AGTPBP1: variants seen among roughly 807,000 people sequenced by gnomAD.
AGTPBP1 encodes the protein cytosolic carboxypeptidase 1.
A neutral mutation model predicts 143.9 loss-of-function variants in AGTPBP1; 70 were observed. The observed-to-expected ratio is 0.49, with a 90% CI of 0.40 to 0.59. The LOEUF (loss-of-function observed/expected upper bound fraction) is 0.59, where lower values mean the gene tolerates loss of function less well. Among genes scored for constraint, AGTPBP1 ranks in the 20% least tolerant of loss-of-function variants. The pLI is 0.00. For synonymous variants in AGTPBP1, 463 were observed against 500.2 expected (o/e 0.93, Z 0.99); for missense variants, 1,229 against 1,464.5 (o/e 0.84, Z 2.62).
chr9:85,712,096 T>C (rs1309478845), intron 2 of AGTPBP1, among the ~76,000 whole-genome samples: 4 of 152,106 alleles, frequency 2.6e-5, no homozygotes, highest in Non-Finnish European at 5.9e-5. Context: ...AAACCCCGTC[T>C]CTACTAAAAG....
rs866887849 is a variant in AGTPBP1 at position 85,711,964 on chromosome 9, T to C, written c.32+538A>G. ...TCACAAAATACTATTTTTTTAACCA[T>C]TTAAAAATGTAAAAACCGGCCGGGC... On this transcript the variant is annotated intron_variant, in intron 2 of 25. Coordinates refer to ENST00000357081, the MANE Select transcript of AGTPBP1 (RefSeq NM_001330701.2). 4.6e-5 allele frequency among the ~76,000 whole-genome samples: 7 copies of C among 152,236 alleles called. No individual in the cohort carries two copies. The Middle Eastern group carries it at 0.014, about 296-fold the overall frequency.
At position 85,664,970 on chromosome 9, in the gene AGTPBP1, T is replaced by C. The variant is rs35509800; in HGVS notation, c.663-3997A>G. Among the ~76,000 whole-genome samples the C allele has an allele frequency of 3.8e-3, 578 of 152,270 alleles. 2 individuals carry two copies. Among genetic ancestry groups the C allele is most frequent in the Non-Finnish European group, 6.5e-3 (441 of 68,008 alleles). ...ATAGATGTCAAGTTTTGTGAAAGACTATGCAAACTATGCAAAGTTAAGACA... is the reference window on the plus strand; with the variant it reads ...ATAGATGTCAAGTTTTGTGAAAGACCATGCAAACTATGCAAAGTTAAGACA... On this transcript the variant is annotated intron_variant, in intron 8 of 25. Coordinates refer to ENST00000357081, the MANE Select transcript of AGTPBP1 (RefSeq NM_001330701.2).
intron 25 of AGTPBP1, among the ~76,000 whole-genome samples, chr9:85,550,033 A>G (rs1825942634): frequency 6.6e-6 from 1 of 152,166 alleles, no homozygotes; most frequent in African/African-American, 2.4e-5. Flanking sequence ...ATTAAGGTCT[A>G]CATTGGAGCT....
In AGTPBP1 at chr9:85,681,204, C is replaced by T. The variant is rs1835148956; in HGVS notation, c.225+64G>A. 7 of 1,446,188 alleles carry T rather than the reference C, an allele frequency of 4.8e-6. No homozygotes were observed. In the South Asian group the frequency reaches 7.1e-5, roughly 15 times the overall value. The allele number at this position is 1,446,188 out of a possible 1,614,324, so 89.6% of individuals were successfully genotyped here. On this transcript the variant is annotated intron_variant, in intron 4 of 25. Transcript: ENST00000357081. ...GTGTGTATTTATACACACACATACGCTTTTTCTTCTTCAGTATTGCTTGGC... is the reference window on the plus strand; with the variant it reads ...GTGTGTATTTATACACACACATACGTTTTTTCTTCTTCAGTATTGCTTGGC...
At chr9:85,558,076 T>G (rs1826466426) in intron 25 of AGTPBP1, among the ~76,000 whole-genome samples, 1 of 152,246 alleles carries the variant, frequency 6.6e-6, no homozygotes, top group Non-Finnish European at 1.5e-5. Flanking sequence ...TTTAAAGGCT[T>G]TCTTTGGCTT....
intron 2 of AGTPBP1, among the ~76,000 whole-genome samples, chr9:85,709,407 C>T (rs767501031): frequency 2.6e-5 from 4 of 152,118 alleles, no homozygotes; most frequent in Non-Finnish European, 5.9e-5. Flanking sequence ...AACCAGAAAA[C>T]AAGATAAGGA....
At chr9:85,804,508 G>C in the AGTPBP1 span, among the ~76,000 whole-genome samples, 1 of 152,098 alleles carries the variant, frequency 6.6e-6, no homozygotes, top group Non-Finnish European at 1.5e-5. Context: ...TTTTATCTTT[G>C]TTTCATTCCT....
In AGTPBP1 at chr9:85,741,793, T is replaced by C. The variant is rs1198973883; in HGVS notation, c.-52A>G. On this transcript the variant is annotated 5_prime_UTR_variant, in exon 1 of 26. Coordinates refer to ENST00000357081, the MANE Select transcript of AGTPBP1 (RefSeq NM_001330701.2). ...CGCTCACCGGCTCAGGATGGGGCGC[T>C]GGCGGGGACCGCGCAGAGCCGCAGC... The C allele has an allele frequency of 1.5e-5, 21 of 1,355,282 alleles. No homozygotes were observed. Among genetic ancestry groups the C allele is most frequent in the Non-Finnish European group, 1.9e-5 (20 of 1,056,004 alleles). 84.0% of individuals were successfully genotyped at this position (1,355,282 alleles called of 1,614,324 possible).
chr9:85,720,660 T>C (rs1188775603), intron 1 of AGTPBP1, among the ~76,000 whole-genome samples: 2 of 152,168 alleles, frequency 1.3e-5, no homozygotes, highest in Non-Finnish European at 2.9e-5. Context: ...TCTCTCTCTC[T>C]CCTTCAGTTC....
At chr9:85,689,180 C>T (rs1041206486) in intron 3 of AGTPBP1, among the ~76,000 whole-genome samples, 3 of 152,088 alleles carry the variant, frequency 2.0e-5, no homozygotes, top group African/African-American at 7.2e-5. Flanking sequence ...TTTATAGGAA[C>T]TCAGCCATGC....
At chr9:85,675,363 T>A (rs977770222) in intron 6 of AGTPBP1, among the ~76,000 whole-genome samples, 2 of 152,192 alleles carry the variant, frequency 1.3e-5, no homozygotes, top group African/African-American at 4.8e-5. Context: ...TTTTTCCCAA[T>A]TTGCATTTTT....
intron 1 of AGTPBP1, among the ~76,000 whole-genome samples, chr9:85,716,764 A>G (rs1011743554): frequency 2.0e-5 from 3 of 152,188 alleles, no homozygotes; most frequent in African/African-American, 7.2e-5. Flanking sequence ...GGGACAGAAG[A>G]AGGAAAAAAC....
intron 19 of AGTPBP1, among the ~76,000 whole-genome samples, chr9:85,590,619 C>T (rs1564039091): frequency 6.6e-6 from 1 of 152,072 alleles, no homozygotes; most frequent in Non-Finnish European, 1.5e-5. Flanking sequence ...GAACCCTACC[C>T]TAGGGAAAAT....
intron 14 of AGTPBP1, among the ~76,000 whole-genome samples, chr9:85,631,050 G>A (rs565192306): frequency 3.9e-5 from 6 of 152,262 alleles, no homozygotes; most frequent in Admixed American, 1.3e-4. Flanking sequence ...GCTGATCTGG[G>A]TCAATCACTT....
chr9:85,664,129 A>G (rs1196265321), intron 8 of AGTPBP1, among the ~76,000 whole-genome samples: 2 of 152,182 alleles, frequency 1.3e-5, no homozygotes, highest in African/African-American at 4.8e-5. Flanking sequence ...CCAAATCTAC[A>G]GTAATAGAAG....
intron 17 of AGTPBP1, among the ~76,000 whole-genome samples, chr9:85,606,919 G>T (rs551261747): frequency 1.3e-5 from 2 of 152,018 alleles, no homozygotes; most frequent in South Asian, 4.1e-4. Flanking sequence ...GAGGGATAAG[G>T]GGGGTGAAGA....
the AGTPBP1 span, chr9:85,753,513 G>T: frequency 6.6e-7 from 1 of 1,523,364 alleles, no homozygotes; most frequent in Non-Finnish European, 8.9e-7. Context: ...TAGCACTTTG[G>T]GACGCTGAGG....
the AGTPBP1 span, among the ~76,000 whole-genome samples, chr9:85,770,733 C>T: frequency 6.6e-6 from 1 of 151,986 alleles, no homozygotes; most frequent in Admixed American, 6.6e-5. Flanking sequence ...AAAAGAAGTC[C>T]TTTTTGAAAG....
At chr9:85,584,251 T>C (rs1053528083) in intron 23 of AGTPBP1, among the ~76,000 whole-genome samples, 2 of 152,186 alleles carry the variant, frequency 1.3e-5, no homozygotes, top group Admixed American at 6.5e-5. Flanking sequence ...AACTCTATTT[T>C]CTGAAGGTCG....
Sources: gnomAD v4.1 joint callset for allele counts (sites outside exome capture counted in the v4.1 genomes callset) on GRCh38, gnomAD v4.1.1 for gene constraint, MANE v1.5 for transcripts, NCBI Gene and HGNC (gene_info 2026-07-23, HGNC 2026-07-21) for gene names.